BICC1: variants seen among roughly 807,000 people sequenced by gnomAD.
BICC1 encodes the protein BicC family RNA binding protein 1, also known as protein bicaudal C homolog 1.
BICC1 carries 43 observed loss-of-function variants against 111.0 expected under a neutral mutation model. The ratio of observed to expected loss-of-function variants is 0.39; its 90% CI spans 0.30 to 0.50. The LOEUF is 0.50. Among genes scored for constraint, BICC1 ranks in the 20% least tolerant of loss-of-function variants. BICC1 has a pLI of 0.88. For synonymous variants in BICC1, 467 were observed against 434.4 expected (o/e 1.07, Z -0.93); for missense variants, 1,091 against 1,203.2 (o/e 0.91, Z 1.38).
chr10:58,700,240 G>C (rs531452619), intron 2 of BICC1, among the ~76,000 whole-genome samples: 34 of 152,234 alleles, frequency 2.2e-4, no homozygotes, highest in African/African-American at 7.9e-4. Flanking sequence ...AAAAGGATGG[G>C]GAGTTGGACA....
At chr10:58,826,844 C>T (rs551537289) in intron 20 of BICC1, among the ~76,000 whole-genome samples, 25 of 152,298 alleles carry the variant, frequency 1.6e-4, no homozygotes, top group African/African-American at 4.6e-4. Context: ...AATGCAGTCA[C>T]GTTTATGATC....
chr10:58,542,301 A>T (rs1196498194), intron 1 of BICC1, among the ~76,000 whole-genome samples: 1 of 152,104 alleles, frequency 6.6e-6, no homozygotes, highest in Admixed American at 6.6e-5. Context: ...TCTCTTCAAC[A>T]GATGATGTTG....
intron 3 of BICC1, among the ~76,000 whole-genome samples, chr10:58,731,176 G>A (rs1841282231): frequency 6.6e-6 from 1 of 152,158 alleles, no homozygotes; most frequent in South Asian, 2.1e-4. Flanking sequence ...AAGTTCCACA[G>A]ATCCCTAGAG....
chr10:58,751,999 T>G (rs10763586), intron 3 of BICC1, among the ~76,000 whole-genome samples: 98,762 of 152,050 alleles, frequency 0.65, 32,860 homozygotes, highest in East Asian at 0.9. Context: ...CTTCTCTACA[T>G]TATACCTCAC....
chr10:58,767,378 A>G (rs952687697), intron 3 of BICC1, among the ~76,000 whole-genome samples: 3 of 152,188 alleles, frequency 2.0e-5, no homozygotes, highest in East Asian at 3.9e-4. Context: ...GAGTGCATTC[A>G]TAGAAAATAT....
At chr10:58,609,288 C>T (rs1359540900) in intron 1 of BICC1, among the ~76,000 whole-genome samples, 1 of 152,202 alleles carries the variant, frequency 6.6e-6, no homozygotes, top group African/African-American at 2.4e-5. Flanking sequence ...GCAAAATGTT[C>T]CCAGGAGGTT....
At position 58,538,717 on chromosome 10, in the gene BICC1, C is replaced by T. The variant is rs1303970; in HGVS notation, c.190+25384C>T. Among the ~76,000 whole-genome samples, 299 of 151,512 alleles carry T rather than the reference C, an allele frequency of 2.0e-3. 4 individuals are homozygous for T. The highest frequency in any genetic ancestry group is 6.9e-3 in the African/African-American group (286 of 41,396). On this transcript the variant is annotated intron_variant, in intron 1 of 20. Coordinates refer to ENST00000373886, the MANE Select transcript of BICC1 (RefSeq NM_001080512.3). ...CGAATTTTGCATCTGACAACATACA[C>T]GGAACTCAAATCACTAAGAAAAAAC...
intron 1 of BICC1, among the ~76,000 whole-genome samples, chr10:58,528,771 T>C (rs1649017): frequency 0.46 from 69,213 of 151,206 alleles, 16,814 homozygotes; most frequent in Admixed American, 0.62. Flanking sequence ...TCTCTTTCAG[T>C]TCCAGTATTC....
At chr10:58,801,069 A>G in intron 14 of BICC1, 23 bp downstream of exon 14, 1 of 1,547,016 alleles carries the variant, frequency 6.5e-7, no homozygotes, top group Non-Finnish European at 8.7e-7. Flanking sequence ...ATCTTTAAAG[A>G]GCCCTTGATA....
rs76168468 is a variant in BICC1 at position 58,700,505 on chromosome 10, C to A, written c.238-1569C>A. ...CAGGCATGAATGAGAGAAGCAGCAG[C>A]CGGGGCCAGGTGCTGTAGGATTAAG... On this transcript the variant is annotated intron_variant, in intron 2 of 20. Coordinates refer to ENST00000373886, the MANE Select transcript of BICC1 (RefSeq NM_001080512.3). Among the ~76,000 whole-genome samples the A allele has an allele frequency of 9.7e-3, 1,484 of 152,236 alleles. 11 individuals carry two copies. Among genetic ancestry groups the A allele is most frequent in the Middle Eastern group, 0.024 (7 of 294 alleles).
chr10:58,642,865 C>T (rs1435470615), intron 2 of BICC1, among the ~76,000 whole-genome samples: 5 of 151,956 alleles, frequency 3.3e-5, no homozygotes, highest in South Asian at 4.1e-4. Flanking sequence ...CAACCATGCT[C>T]GGCTAATTTT....
intron 15 of BICC1, among the ~76,000 whole-genome samples, chr10:58,803,543 G>A (rs1024738891): frequency 3.3e-5 from 5 of 152,034 alleles, no homozygotes. Flanking sequence ...AGATGAGTTT[G>A]CGGGACTGCA....
At chr10:58,544,007 G>GT (rs1399917293) in intron 1 of BICC1, among the ~76,000 whole-genome samples, 2 of 151,942 alleles carry the variant, frequency 1.3e-5, no homozygotes, top group Non-Finnish European at 2.9e-5. Context: ...GTCATAACTG[G>GT]TTACCTTTGT....
chr10:58,760,444 C>G (rs759500445), intron 3 of BICC1, among the ~76,000 whole-genome samples: 1 of 152,106 alleles, frequency 6.6e-6, no homozygotes, highest in Non-Finnish European at 1.5e-5. Context: ...CAACCAAACA[C>G]CATAGAGTAG....
At chr10:58,719,564 T>A (rs570756150) in intron 3 of BICC1, among the ~76,000 whole-genome samples, 4 of 152,116 alleles carry the variant, frequency 2.6e-5, no homozygotes, top group Non-Finnish European at 5.9e-5. Flanking sequence ...TGGAGTGCAG[T>A]GGCGGGATCT....
chr10:58,786,810 A>G (rs1212249084), intron 4 of BICC1, 113 bp from the exon 5 acceptor site: 6 of 622,372 alleles, frequency 9.6e-6, no homozygotes, highest in Admixed American at 4.0e-5. Flanking sequence ...TTAAGAAATA[A>G]GATTTCCCAC....
chr10:58,528,276 C>A (rs1056996872), intron 1 of BICC1, among the ~76,000 whole-genome samples: 1 of 151,776 alleles, frequency 6.6e-6, no homozygotes, highest in Non-Finnish European at 1.5e-5. Context: ...TCTGTCTTCA[C>A]CCTCAATCTA....
intron 3 of BICC1, among the ~76,000 whole-genome samples, chr10:58,745,046 A>G (rs1841789378): frequency 6.6e-6 from 1 of 152,176 alleles, no homozygotes; most frequent in South Asian, 2.1e-4. Context: ...CTGTTCTGCT[A>G]CATTCACATT....
chr10:58,596,589 T>C (rs1174818033), intron 1 of BICC1, among the ~76,000 whole-genome samples: 2 of 152,140 alleles, frequency 1.3e-5, no homozygotes, highest in Non-Finnish European at 2.9e-5. Context: ...ATAAAGCGTA[T>C]TCAAATAGGA....
Sources: gnomAD v4.1 joint callset for allele counts (sites outside exome capture counted in the v4.1 genomes callset) on GRCh38, gnomAD v4.1.1 for gene constraint, MANE v1.5 for transcripts, NCBI Gene and HGNC (gene_info 2026-07-23, HGNC 2026-07-21) for gene names.